ENY2: variants seen among roughly 807,000 people sequenced by gnomAD.
ENY2 encodes ENY2 transcription and export complex 2 subunit.
ENY2 carries 4 observed loss-of-function variants against 15.9 expected under a neutral mutation model. That is an observed-to-expected ratio of 0.25 (90% CI 0.12 to 0.57). ENY2 has a LOEUF of 0.57. Among genes scored for constraint, ENY2 ranks in the 20% least tolerant of loss-of-function variants. ENY2 has a pLI of 0.91. For missense variants in ENY2, 54 were observed against 117.2 expected (o/e 0.46, Z 2.49); for synonymous variants, 48 against 38.0 (o/e 1.26, Z -0.97).
At chr8:109,339,224 C>A in intron 2 of ENY2, 96 bp from the exon 3 acceptor site, 1 of 1,096,160 alleles carries the variant, frequency 9.1e-7, no homozygotes, top group Non-Finnish European at 1.4e-6. Flanking sequence ...AACTGGAAGG[C>A]AGGGAATTTT....
At chr8:109,337,731 A>G (rs181292257) in intron 2 of ENY2, among the ~76,000 whole-genome samples, 206 of 152,218 alleles carry the variant, frequency 1.4e-3, no homozygotes, top group Non-Finnish European at 1.9e-3. Flanking sequence ...GTGAAACCCC[A>G]TCTCTACTGA....
At position 109,343,540 on chromosome 8, in the gene ENY2, T is replaced by C. The variant is rs2130205348; in HGVS notation, c.*59T>C. On this transcript the variant is annotated 3_prime_UTR_variant, in exon 5 of 5. Coordinates refer to ENST00000521688, the MANE Select transcript of ENY2 (RefSeq NM_020189.6). ...TCTGAAAGTAAAACTTGCCATAAAT[T>C]AGAAAACAATTTCCCAAAATAAAAT... 3 of 1,478,414 alleles carry C rather than the reference T, an allele frequency of 2.0e-6. No individual in the cohort carries two copies. In the South Asian group the frequency reaches 3.6e-5, roughly 18 times the overall value. 91.6% of individuals were successfully genotyped at this position (1,478,414 alleles called of 1,614,324 possible).
chr8:109,343,414 C>T lies in ENY2; in HGVS notation c.239C>T (p.Pro80Leu), dbSNP rs989763424. The change falls in exon 5 of 5, where the codon CCT (proline) becomes CTT (leucine). Residue 80 changes from proline to leucine, a missense_variant. By Grantham distance (98) the Pro-to-Leu change is moderately conservative. Transcript: ENST00000521688. ...EITPKGRALVPDSVKKELLQR... is the reference protein window; with the variant it reads ...EITPKGRALVLDSVKKELLQR... ...TATTTTTGTTTTTCAGCCCTGGTAC[C>T]TGACAGTGTAAAGAAGGAGCTCCTA... The T allele has an allele frequency of 1.9e-6, 3 of 1,609,388 alleles. No homozygotes were observed. The highest frequency in any genetic ancestry group is 2.5e-6 in the Non-Finnish European group (3 of 1,178,314).
chr8:109,341,390 C>T (rs750515020), intron 4 of ENY2, among the ~76,000 whole-genome samples: 5 of 151,968 alleles, frequency 3.3e-5, no homozygotes, highest in Non-Finnish European at 7.4e-5. Flanking sequence ...TCCTTGTCAG[C>T]CATCTCTTTA....
intron 2 of ENY2, chr8:109,338,986 A>G: frequency 4.3e-6 from 1 of 232,106 alleles, no homozygotes. Flanking sequence ...TACTTTCTAG[A>G]TGTTGTACAA....
chr8:109,334,558 C>G, intron 1 of ENY2, 84 bp downstream of exon 1: 1 of 1,494,850 alleles, frequency 6.7e-7, no homozygotes, highest in South Asian at 1.3e-5. Context: ...TTAGCGTCCC[C>G]GACCCGCGCT....
At chr8:109,336,079 A>G in intron 1 of ENY2, 49 bp from the exon 2 acceptor site, 2 of 1,578,780 alleles carry the variant, frequency 1.3e-6, no homozygotes, top group Non-Finnish European at 1.7e-6. Context: ...GATTTAGCAG[A>G]AAATGCTTTG....
chr8:109,342,723 T>C, intron 4 of ENY2: 1 of 698,140 alleles, frequency 1.4e-6, no homozygotes, highest in Non-Finnish European at 2.6e-6. Flanking sequence ...AGGCTGGTCT[T>C]GAGCTCCCGG....
At chr8:109,342,470 T>A (rs917823844) in intron 4 of ENY2, among the ~76,000 whole-genome samples, 4 of 149,728 alleles carry the variant, frequency 2.7e-5, no homozygotes, top group Non-Finnish European at 4.4e-5. Flanking sequence ...AGTTTATGTA[T>A]GTATATAAAT....
chr8:109,336,409 C>A, intron 2 of ENY2: 1 of 517,300 alleles, frequency 1.9e-6, no homozygotes, highest in Non-Finnish European at 3.4e-6. Flanking sequence ...GAAAGATGAG[C>A]AAGATATGGC....
intron 4 of ENY2, chr8:109,342,866 G>C (rs1816153264): frequency 3.7e-6 from 2 of 537,630 alleles, no homozygotes; most frequent in South Asian, 4.6e-5. Flanking sequence ...CTATGTAAAT[G>C]TGGTTTTAAT....
chr8:109,339,114 A>G, intron 2 of ENY2: 1 of 577,066 alleles, frequency 1.7e-6, no homozygotes, highest in Non-Finnish European at 3.1e-6. Flanking sequence ...TCATTAAATG[A>G]GACCCAGATG....
rs975605431 is a variant in ENY2, at chr8:109,344,347, C to T, written c.*866C>T. 3 of 152,082 alleles carry T rather than the reference C, an allele frequency of 2.0e-5. No individual in the cohort carries two copies. Among genetic ancestry groups the T allele is most frequent in the Non-Finnish European group, 4.4e-5 (3 of 68,022 alleles). 9.4% of individuals were successfully genotyped at this position (152,082 alleles called of 1,614,324 possible). A position where few individuals can be genotyped will look rare whatever the true frequency, so the allele number is the denominator to read the frequency against. ...GTAGATAATGGTGTTTCCTAGGGCT[C>T]CCTCCAGGGCCCTCTGCCTCACTAA... On this transcript the variant is annotated 3_prime_UTR_variant, in exon 5 of 5. Coordinates refer to ENST00000521688, the MANE Select transcript of ENY2 (RefSeq NM_020189.6).
chr8:109,342,342 AC>A (rs1816135892), intron 4 of ENY2, among the ~76,000 whole-genome samples: 1 of 151,442 alleles, frequency 6.6e-6, no homozygotes. Context: ...TTTATACTCC[AC>A]GTAATATGAG....
chr8:109,343,308 T>G, intron 4 of ENY2, 97 bp from the exon 5 acceptor site: 1 of 876,906 alleles, frequency 1.1e-6, no homozygotes, highest in South Asian at 2.0e-5. Context: ...ATTTATGAAA[T>G]TCTTATGTTG....
In ENY2 at chr8:109,344,186, T is replaced by TA. The variant is rs1816183300; in HGVS notation, c.*706dup. 6.6e-6 allele frequency: 1 copy of TA among 152,262 alleles called. No individual in the cohort carries two copies. Among genetic ancestry groups the TA allele is most frequent in the Admixed American group, 6.5e-5 (1 of 15,282 alleles). The allele number at this position is 152,262 out of a possible 1,614,324, so 9.4% of individuals were successfully genotyped here. On this transcript the variant is annotated 3_prime_UTR_variant, in exon 5 of 5. Transcript: ENST00000521688. ...AATCCAATGGACTCTTGTCTATTCTTACGTGACTTCTGCTGGAAAATGCGA... is the reference window on the plus strand; with the variant it reads ...AATCCAATGGACTCTTGTCTATTCTTAACGTGACTTCTGCTGGAAAATGCGA...
At chr8:109,342,513 C>T (rs1816142570) in intron 4 of ENY2, among the ~76,000 whole-genome samples, 1 of 107,134 alleles carries the variant, frequency 9.3e-6, no homozygotes. Context: ...ATATATATAC[C>T]CTTTTTTTTT....
intron 3 of ENY2, among the ~76,000 whole-genome samples, chr8:109,340,057 A>G (rs1393461133): frequency 6.6e-6 from 1 of 152,166 alleles, no homozygotes; most frequent in Non-Finnish European, 1.5e-5. Flanking sequence ...ATTTCAACTC[A>G]GGGCTGGATG....
Position 109,334,494 on chromosome 8 carries a change from C to G in ENY2, c.6+20C>G, listed in dbSNP as rs1228931821. The stretch of plus-strand genomic sequence containing the variant: ...ATGGTGGTGAGCTATGCCCGTGGTC[C>G]TCAGGGCCGGGACCCGGGCCCAGCC... On this transcript the variant is annotated intron_variant, in intron 1 of 4. Coordinates refer to ENST00000521688, the MANE Select transcript of ENY2 (RefSeq NM_020189.6). 6.2e-7 allele frequency: 1 copy of G among 1,612,268 alleles called. No homozygotes were observed. The highest frequency in any genetic ancestry group is 1.3e-5 in the African/African-American group (1 of 74,998).
Sources: gnomAD v4.1 joint callset for allele counts (sites outside exome capture counted in the v4.1 genomes callset) on GRCh38, gnomAD v4.1.1 for gene constraint, MANE v1.5 for transcripts, NCBI Gene and HGNC (gene_info 2026-07-23, HGNC 2026-07-21) for gene names.